The following PTPRD variants were observed in gnomAD, a reference collection of about 807,000 sequenced individuals.
The protein encoded by PTPRD is receptor-type tyrosine-protein phosphatase delta.
A neutral mutation model predicts 214.5 loss-of-function variants in PTPRD; 34 were observed. That is an observed-to-expected ratio of 0.16 (90% CI 0.12 to 0.21). PTPRD has a LOEUF of 0.21. Ranked by LOEUF, PTPRD falls within the 10% of genes least tolerant of loss-of-function variation. The pLI is 1.00. For missense variants in PTPRD, 2,545 were observed against 2,398.7 expected (o/e 1.06, Z -1.27); for synonymous variants, 1,128 against 845.7 (o/e 1.33, Z -5.79).
At position 10,410,695 on chromosome 9, in the gene PTPRD, CA is replaced by C. The variant is rs542778325; in HGVS notation, c.-599-69679del. Among the ~76,000 whole-genome samples the C allele has an allele frequency of 2.4e-3, 360 of 151,790 alleles. 1 individual carries two copies. The highest frequency in any genetic ancestry group is 2.4e-3 in the Non-Finnish European group (162 of 67,818). On this transcript the variant is annotated intron_variant, in intron 2 of 45. Transcript: ENST00000381196. ...ATCTAAATAATAACATTGATTCAGA[CA>C]AAGATTTATCTTTAAATAAAACCAT...
intron 2 of PTPRD, among the ~76,000 whole-genome samples, chr9:10,585,531 T>A: frequency 6.6e-6 from 1 of 151,956 alleles, no homozygotes; most frequent in Non-Finnish European, 1.5e-5. Flanking sequence ...GGGCTGAAAA[T>A]TTGGTGGGGA....
intron 3 of PTPRD, among the ~76,000 whole-genome samples, chr9:10,316,231 C>T (rs1453349703): frequency 5.3e-5 from 8 of 150,022 alleles, no homozygotes; most frequent in African/African-American, 2.0e-4. Flanking sequence ...CGACTGTGCA[C>T]TATTATACAA....
intron 9 of PTPRD, among the ~76,000 whole-genome samples, chr9:9,286,139 C>G (rs1178157726): frequency 6.6e-6 from 1 of 151,782 alleles, no homozygotes. Context: ...TCTTCTTTCT[C>G]CCACTTCACA....
At chr9:9,746,825 T>C (rs1421819180) in intron 6 of PTPRD, among the ~76,000 whole-genome samples, 1 of 151,990 alleles carries the variant, frequency 6.6e-6, no homozygotes, top group Non-Finnish European at 1.5e-5. Context: ...GTTTTTTTTT[T>C]TTTTTTTTGG....
chr9:10,235,669 T>C lies in PTPRD; in HGVS notation c.-545+105294A>G, dbSNP rs149588703. On this transcript the variant is annotated intron_variant, in intron 3 of 45. Coordinates refer to ENST00000381196, the MANE Select transcript of PTPRD (RefSeq NM_002839.4). ...TTGGCATTTCATAATGTGTCTTACA[T>C]GTGAGAAAATCCATTGTCATTAAAC... 3.4e-3 allele frequency among the ~76,000 whole-genome samples: 519 copies of C among 152,154 alleles called. 2 individuals are homozygous for C. The highest frequency in any genetic ancestry group is 0.012 in the African/African-American group (500 of 41,554).
chr9:8,711,382 C>A (rs1322376958), intron 12 of PTPRD, among the ~76,000 whole-genome samples: 1 of 151,872 alleles, frequency 6.6e-6, no homozygotes, highest in Non-Finnish European at 1.5e-5. Flanking sequence ...ACTACTTAAA[C>A]CTCAATAAAT....
intron 9 of PTPRD, among the ~76,000 whole-genome samples, chr9:9,284,022 A>G (rs1177548002): frequency 6.6e-6 from 1 of 151,728 alleles, no homozygotes; most frequent in Non-Finnish European, 1.5e-5. Context: ...GGCATGTCCT[A>G]GTAGATTCCT....
chr9:10,386,243 G>C (rs1204965292), intron 2 of PTPRD, among the ~76,000 whole-genome samples: 1 of 151,804 alleles, frequency 6.6e-6, no homozygotes, highest in African/African-American at 2.4e-5. Context: ...CGTACAGAAA[G>C]ACCTTATTTA....
At chr9:10,044,619 T>C (rs1337877146) in intron 3 of PTPRD, among the ~76,000 whole-genome samples, 1 of 151,746 alleles carries the variant, frequency 6.6e-6, no homozygotes, top group Admixed American at 6.6e-5. Flanking sequence ...TAATTGTCGC[T>C]AGAACCATAT....
intron 3 of PTPRD, among the ~76,000 whole-genome samples, chr9:10,119,484 G>A (rs924154773): frequency 2.6e-5 from 4 of 151,950 alleles, no homozygotes; most frequent in Non-Finnish European, 4.4e-5. Context: ...CTAGTAGTAA[G>A]AGTAGTTAAA....
chr9:10,247,440 T>G (rs2092281516), intron 3 of PTPRD, among the ~76,000 whole-genome samples: 2 of 152,208 alleles, frequency 1.3e-5, no homozygotes, highest in Non-Finnish European at 2.9e-5. Flanking sequence ...AAATGTAGTT[T>G]TATACAGTAA....
At chr9:9,242,890 C>T (rs982926797) in intron 9 of PTPRD, among the ~76,000 whole-genome samples, 2 of 152,120 alleles carry the variant, frequency 1.3e-5, no homozygotes, top group South Asian at 4.1e-4. Context: ...TGAGGAGCTG[C>T]GTTCCTTTGG....
intron 3 of PTPRD, among the ~76,000 whole-genome samples, chr9:10,085,389 C>G (rs925579457): frequency 2.0e-5 from 3 of 151,730 alleles, no homozygotes; most frequent in African/African-American, 7.3e-5. Flanking sequence ...TTTATAACTG[C>G]TGGAGATATT....
intron 3 of PTPRD, among the ~76,000 whole-genome samples, chr9:10,324,527 G>A (rs528077968): frequency 2.0e-5 from 3 of 152,090 alleles, no homozygotes; most frequent in African/African-American, 7.2e-5. Context: ...CATAGTAGTT[G>A]CCTGAGACAT....
chr9:10,046,179 G>A (rs930599680), intron 3 of PTPRD, among the ~76,000 whole-genome samples: 5 of 151,808 alleles, frequency 3.3e-5, no homozygotes, highest in Admixed American at 2.6e-4. Flanking sequence ...GACTTCATTA[G>A]TGACAATAGA....
chr9:10,554,237 C>T (rs2061975252), intron 2 of PTPRD, among the ~76,000 whole-genome samples: 2 of 152,168 alleles, frequency 1.3e-5, no homozygotes, highest in African/African-American at 4.8e-5. Flanking sequence ...GGCTCTTTTT[C>T]AGGATGTTAC....
chr9:10,511,704 A>G (rs2757857), intron 2 of PTPRD, among the ~76,000 whole-genome samples: 149,298 of 151,008 alleles, frequency 0.99, 73,825 homozygotes, highest in East Asian at 1. Flanking sequence ...GGGAACCACC[A>G]CACCTGGCTA....
At chr9:10,289,222 T>C (rs572075301) in intron 3 of PTPRD, among the ~76,000 whole-genome samples, 121 of 152,328 alleles carry the variant, frequency 7.9e-4, no homozygotes, top group African/African-American at 2.8e-3. Context: ...TATGGACTTA[T>C]TCATATACTA....
chr9:8,376,545 A>G (rs1170438046), intron 38 of PTPRD, 62 bp downstream of exon 38: 2 of 1,605,550 alleles, frequency 1.2e-6, no homozygotes, highest in Non-Finnish European at 1.7e-6. Flanking sequence ...TTCATTTCTC[A>G]AAAGAAGCTT....
Sources: allele counts gnomAD v4.1 joint callset (sites outside exome capture counted in the v4.1 genomes callset), GRCh38; gene constraint gnomAD v4.1.1; transcripts MANE v1.5; gene names NCBI Gene and HGNC (gene_info 2026-07-23, HGNC 2026-07-21).